TRIP12: variants seen among roughly 807,000 people sequenced by gnomAD.
The protein encoded by TRIP12 is E3 ubiquitin-protein ligase TRIP12.
A neutral mutation model predicts 244.2 loss-of-function variants in TRIP12; 25 were observed. That is an observed-to-expected ratio of 0.10 (90% CI 0.07 to 0.14). The LOEUF (loss-of-function observed/expected upper bound fraction) is 0.14. TRIP12 is among the 10% of genes least tolerant of loss of function. TRIP12 has a pLI of 1.00. For synonymous variants in TRIP12, 905 were observed against 873.1 expected (o/e 1.04, Z -0.64); for missense variants, 1,677 against 2,486.4 (o/e 0.67, Z 6.92).
intron 1 of TRIP12, among the ~76,000 whole-genome samples, chr2:229,880,785 A>G (rs1266832666): frequency 1.3e-5 from 2 of 152,160 alleles, no homozygotes; most frequent in Non-Finnish European, 2.9e-5. Context: ...CTCTACTGAA[A>G]ATACAAAAAT....
At chr2:229,900,093 G>C (rs1210446103) in intron 1 of TRIP12, among the ~76,000 whole-genome samples, 2 of 152,184 alleles carry the variant, frequency 1.3e-5, no homozygotes, top group Non-Finnish European at 2.9e-5. Flanking sequence ...TTTTTAAGGA[G>C]AGATTCTTGA....
chr2:229,824,117 A>C (rs2050836088), intron 8 of TRIP12, among the ~76,000 whole-genome samples: 1 of 152,362 alleles, frequency 6.6e-6, no homozygotes, highest in East Asian at 1.9e-4. Flanking sequence ...GGAGGTAAAA[A>C]GTGTTAATAA....
Position 229,804,238 on chromosome 2 carries a change from A to T in TRIP12, c.2651-11T>A. Reference sequence around the variant, plus strand: ...ACTCTGAATATCCACCTATTACATTAAAAAAAAATATATGTGCAATCCTGA... The same window carrying T: ...ACTCTGAATATCCACCTATTACATTTAAAAAAAATATATGTGCAATCCTGA... On this transcript the variant is annotated splice_polypyrimidine_tract_variant and intron_variant, in intron 18 of 41. Transcript: ENST00000675903. 2.1e-6 allele frequency: 3 copies of T among 1,457,222 alleles called. No individual in the cohort carries two copies. Among genetic ancestry groups the T allele is most frequent in the Non-Finnish European group, 2.8e-6 (3 of 1,065,312 alleles). 90.3% of individuals were successfully genotyped at this position (1,457,222 alleles called of 1,614,324 possible).
At chr2:229,829,418 T>C (rs747479355) in intron 7 of TRIP12, 130 bp from the exon 8 acceptor site, 62 of 669,098 alleles carry the variant, frequency 9.3e-5, no homozygotes, top group Non-Finnish European at 1.3e-4. Context: ...TCTGGACTTT[T>C]AAGAGAAGCT....
chr2:229,843,617 G>A (rs987527296), intron 4 of TRIP12, among the ~76,000 whole-genome samples: 2 of 152,208 alleles, frequency 1.3e-5, no homozygotes, highest in Admixed American at 6.5e-5. Context: ...AGTGGCTCAT[G>A]CCTGAAATCC....
intron 4 of TRIP12, among the ~76,000 whole-genome samples, chr2:229,848,260 T>C (rs2057977443): frequency 6.6e-6 from 1 of 151,578 alleles, no homozygotes; most frequent in Non-Finnish European, 1.5e-5. Flanking sequence ...ATTACCAGAA[T>C]TACCAGAATA....
chr2:229,860,612 A>T, intron 2 of TRIP12, 81 bp from the exon 3 acceptor site: 1 of 1,298,800 alleles, frequency 7.7e-7, no homozygotes, highest in Non-Finnish European at 1.0e-6. Context: ...ATTTTTATAT[A>T]TTTCTTAAAG....
chr2:229,846,735 TAACTC>T (rs2057655822), intron 4 of TRIP12, among the ~76,000 whole-genome samples: 1 of 152,218 alleles, frequency 6.6e-6, no homozygotes, highest in Admixed American at 6.5e-5. Context: ...TATTTTAAAA[TAACTC>T]AGTAATAATA....
At chr2:229,844,941 G>T (rs1025001789) in intron 4 of TRIP12, among the ~76,000 whole-genome samples, 2 of 152,142 alleles carry the variant, frequency 1.3e-5, no homozygotes, top group Non-Finnish European at 2.9e-5. Context: ...CATTGGAAAT[G>T]TCTTCTCCAA....
At chr2:229,797,406 G>C (rs537921312) in intron 24 of TRIP12, among the ~76,000 whole-genome samples, 52 of 152,108 alleles carry the variant, frequency 3.4e-4, no homozygotes, top group Non-Finnish European at 6.5e-4. Flanking sequence ...GAAAACAGAT[G>C]TGCTTGTGAG....
At chr2:229,881,133 GT>G (rs1227447059) in intron 1 of TRIP12, among the ~76,000 whole-genome samples, 10 of 152,230 alleles carry the variant, frequency 6.6e-5, no homozygotes, top group Non-Finnish European at 1.2e-4. Context: ...AAACCAGTAC[GT>G]TACCTACCTC....
At chr2:229,879,025 G>A (rs2064262860) in intron 2 of TRIP12, among the ~76,000 whole-genome samples, 1 of 152,088 alleles carries the variant, frequency 6.6e-6, no homozygotes, top group Non-Finnish European at 1.5e-5. Flanking sequence ...GGCCGAGGCG[G>A]GTGAATCGCT....
At chr2:229,776,278 T>C (rs553002715) in intron 37 of TRIP12, among the ~76,000 whole-genome samples, 6 of 152,310 alleles carry the variant, frequency 3.9e-5, no homozygotes, top group African/African-American at 1.4e-4. Context: ...TTCTCCTTTT[T>C]TTGTTTTTCC....
intron 39 of TRIP12, among the ~76,000 whole-genome samples, chr2:229,770,706 C>G (rs1196604540): frequency 6.6e-6 from 1 of 152,116 alleles, no homozygotes; most frequent in Non-Finnish European, 1.5e-5. Flanking sequence ...CCCACAATTC[C>G]CACCTGCTGT....
intron 5 of TRIP12, among the ~76,000 whole-genome samples, chr2:229,839,934 G>C (rs2055955068): frequency 6.6e-6 from 1 of 152,170 alleles, no homozygotes; most frequent in Non-Finnish European, 1.5e-5. Flanking sequence ...TCTAGAATTG[G>C]AGATGGGAGA....
intron 2 of TRIP12, among the ~76,000 whole-genome samples, chr2:229,877,545 A>T (rs116101309): frequency 1.3e-5 from 2 of 152,124 alleles, no homozygotes; most frequent in African/African-American, 2.4e-5. Context: ...AAAATAAATT[A>T]AAAAAAATTT....
At chr2:229,786,120 G>A (rs1421630597) in intron 33 of TRIP12, among the ~76,000 whole-genome samples, 1 of 152,036 alleles carries the variant, frequency 6.6e-6, no homozygotes, top group Non-Finnish European at 1.5e-5. Context: ...ATTCAAGTTG[G>A]GGAAGAAAAA....
In TRIP12 at chr2:229,807,735, A is replaced by G; in HGVS notation, c.2469T>C (p.Tyr823=). The G allele has an allele frequency of 2.5e-6, 4 of 1,614,210 alleles. No homozygotes were observed. Among genetic ancestry groups the G allele is most frequent in the Non-Finnish European group, 3.4e-6 (4 of 1,180,040 alleles). Residue 823 remains tyrosine, a synonymous_variant, in exon 17 of 42, where the codon TAT becomes TAC. Transcript: ENST00000675903. ...WRDDRGLWHP[Y]NRIDSRIIEA... is the part of the protein sequence containing the mutation. Reference sequence around the variant, plus strand: ...CAATGATCCGGCTGTCAATCCTGTTATATGGATGCCAGAGGCCCCGATCAT... The same window carrying G: ...CAATGATCCGGCTGTCAATCCTGTTGTATGGATGCCAGAGGCCCCGATCAT...
intron 1 of TRIP12, among the ~76,000 whole-genome samples, chr2:229,890,909 T>G (rs2067193490): frequency 6.6e-6 from 1 of 152,208 alleles, no homozygotes; most frequent in Admixed American, 6.5e-5. Flanking sequence ...CAGAGCTGTA[T>G]TTCCCAAACG....
Sources: allele counts gnomAD v4.1 joint callset (sites outside exome capture counted in the v4.1 genomes callset), GRCh38; gene constraint gnomAD v4.1.1; transcripts MANE v1.5; gene names NCBI Gene and HGNC (gene_info 2026-07-23, HGNC 2026-07-21).